LINGO2: variants seen among roughly 807,000 people sequenced by gnomAD.
The protein encoded by LINGO2 is leucine-rich repeat and immunoglobulin-like domain-containing nogo receptor-interacting protein 2.
Under a neutral mutation model 30.6 loss-of-function variants are expected in LINGO2, and 14 were observed. That is an observed-to-expected ratio of 0.46 (90% CI 0.30 to 0.72). The LOEUF (loss-of-function observed/expected upper bound fraction) is 0.72. Ranked by LOEUF, LINGO2 falls within the 30% of genes least tolerant of loss-of-function variation. The pLI, the probability that LINGO2 is intolerant of heterozygous loss-of-function variation, is 0.07. For missense variants in LINGO2, 729 were observed against 751.7 expected (o/e 0.97, Z 0.35); for synonymous variants, 317 against 288.5 (o/e 1.10, Z -1.00).
At chr9:28,797,353 TATATATAGAG>T in the LINGO2 span, among the ~76,000 whole-genome samples, 850 of 60,894 alleles carry the variant, frequency 0.014, 5 homozygotes, top group Middle Eastern at 0.04. Context: ...TATATATATA[TATATATAGAG>T]AGAGAGAGAG....
At chr9:29,024,852 TACGTCAGTTCA>T in the LINGO2 span, among the ~76,000 whole-genome samples, 1 of 152,160 alleles carries the variant, frequency 6.6e-6, no homozygotes, top group Admixed American at 6.6e-5. Flanking sequence ...CAATCTGGAA[TACGTCAGTTCA>T]ACTTTGTTGA....
At chr9:28,398,073 T>A (rs10968559) in intron 2 of LINGO2, among the ~76,000 whole-genome samples, 2 of 152,120 alleles carry the variant, frequency 1.3e-5, no homozygotes, top group African/African-American at 4.8e-5. Context: ...AATGCCATTA[T>A]AAGTGCCAGG....
the LINGO2 span, among the ~76,000 whole-genome samples, chr9:28,906,891 T>A: frequency 6.6e-6 from 1 of 151,914 alleles, no homozygotes; most frequent in Admixed American, 6.6e-5. Context: ...ATGCAAGGTG[T>A]GTGGTCCTCA....
At chr9:29,105,600 G>T in the LINGO2 span, among the ~76,000 whole-genome samples, 1 of 152,144 alleles carries the variant, frequency 6.6e-6, no homozygotes, top group African/African-American at 2.4e-5. Context: ...TGATGATGAT[G>T]GGGTATCACT....
chr9:28,343,587 A>C (rs978656696), intron 3 of LINGO2, among the ~76,000 whole-genome samples: 2 of 152,188 alleles, frequency 1.3e-5, no homozygotes, highest in African/African-American at 4.8e-5. Flanking sequence ...CTCAGCTTTG[A>C]GACTAGTTAC....
At chr9:28,783,727 G>A in the LINGO2 span, among the ~76,000 whole-genome samples, 4 of 152,206 alleles carry the variant, frequency 2.6e-5, no homozygotes, top group Non-Finnish European at 1.5e-5. Flanking sequence ...GGAACTAGAT[G>A]TACAAAATCA....
intron 1 of LINGO2, among the ~76,000 whole-genome samples, chr9:28,572,448 G>C (rs941948838): frequency 4.6e-5 from 7 of 152,014 alleles, no homozygotes; most frequent in Admixed American, 1.3e-4. Flanking sequence ...CACCACTTGA[G>C]AACATCCAAT....
intron 3 of LINGO2, among the ~76,000 whole-genome samples, chr9:28,351,067 C>T (rs1242571104): frequency 1.3e-5 from 2 of 151,846 alleles, no homozygotes; most frequent in Non-Finnish European, 2.9e-5. Context: ...AAAATTGGCA[C>T]CCTAACATCA....
At chr9:28,021,153 T>C (rs1356371667) in intron 4 of LINGO2, among the ~76,000 whole-genome samples, 1 of 152,138 alleles carries the variant, frequency 6.6e-6, no homozygotes, top group Non-Finnish European at 1.5e-5. Context: ...TTCTAATATA[T>C]GCACTTGATG....
chr9:28,836,402 C>A, the LINGO2 span, among the ~76,000 whole-genome samples: 1 of 152,042 alleles, frequency 6.6e-6, no homozygotes, highest in African/African-American at 2.4e-5. Flanking sequence ...ACAACCTCCA[C>A]CTCCCGGGTT....
chr9:28,032,294 AT>A (rs1823718016), intron 4 of LINGO2, among the ~76,000 whole-genome samples: 1 of 152,106 alleles, frequency 6.6e-6, no homozygotes, highest in Admixed American at 6.6e-5. Flanking sequence ...TTGTTGCTCT[AT>A]TATGAAAGCG....
the LINGO2 span, among the ~76,000 whole-genome samples, chr9:28,980,876 G>A: frequency 6.6e-6 from 1 of 151,850 alleles, no homozygotes; most frequent in Non-Finnish European, 1.5e-5. Flanking sequence ...CATAAGAATG[G>A]CAATTTTTGA....
At chr9:29,152,896 A>T in the LINGO2 span, among the ~76,000 whole-genome samples, 1 of 152,182 alleles carries the variant, frequency 6.6e-6, no homozygotes, top group Non-Finnish European at 1.5e-5. Context: ...TTGTATTTTG[A>T]AATATTATCA....
chr9:28,749,042 T>C, the LINGO2 span, among the ~76,000 whole-genome samples: 1 of 152,036 alleles, frequency 6.6e-6, no homozygotes, highest in Non-Finnish European at 1.5e-5. Flanking sequence ...AAAAATAATA[T>C]AATGTCTAAT....
At chr9:27,980,203 A>C (rs998470650) in intron 5 of LINGO2, among the ~76,000 whole-genome samples, 3 of 151,978 alleles carry the variant, frequency 2.0e-5, no homozygotes, top group Non-Finnish European at 2.9e-5. Flanking sequence ...TCTTAAACAC[A>C]GTTCAAGAAA....
intron 4 of LINGO2, among the ~76,000 whole-genome samples, chr9:28,179,059 C>T (rs572065102): frequency 8.6e-5 from 13 of 151,874 alleles, no homozygotes; most frequent in Admixed American, 2.6e-4. Flanking sequence ...TGAATTGAAC[C>T]GCAGCATGGA....
At chr9:28,666,104 C>T (rs1376510785) in intron 1 of LINGO2, among the ~76,000 whole-genome samples, 2 of 151,980 alleles carry the variant, frequency 1.3e-5, no homozygotes, top group African/African-American at 4.8e-5. Flanking sequence ...CTTGGCCAGG[C>T]TGGTCTCGAA....
the LINGO2 span, among the ~76,000 whole-genome samples, chr9:29,128,960 A>AT: frequency 7.2e-5 from 11 of 152,294 alleles, no homozygotes; most frequent in South Asian, 6.2e-4. Flanking sequence ...CTATAAAATT[A>AT]TTGGTAAAAT....
intron 2 of LINGO2, among the ~76,000 whole-genome samples, chr9:28,404,270 T>G (rs1328838896): frequency 1.3e-5 from 2 of 152,134 alleles, no homozygotes; most frequent in African/African-American, 4.8e-5. Context: ...TTTGTATTAT[T>G]AAAACAATAT....
Sources: allele counts gnomAD v4.1 joint callset (sites outside exome capture counted in the v4.1 genomes callset), GRCh38; gene constraint gnomAD v4.1.1; transcripts MANE v1.5; gene names NCBI Gene and HGNC (gene_info 2026-07-23, HGNC 2026-07-21).